Variants in PPARGC1A observed in about 807,000 individuals in gnomAD.
PPARGC1A encodes PPARG coactivator 1 alpha.
Under a neutral mutation model 88.7 loss-of-function variants are expected in PPARGC1A, and 25 were observed. The observed-to-expected ratio is 0.28, with a 90% CI of 0.21 to 0.39. PPARGC1A has a LOEUF of 0.39. Ranked by LOEUF, PPARGC1A falls within the 10% of genes least tolerant of loss-of-function variation. PPARGC1A has a pLI of 1.00. For missense variants in PPARGC1A, 880 were observed against 968.7 expected (o/e 0.91, Z 1.22); for synonymous variants, 363 against 355.6 (o/e 1.02, Z -0.24).
chr4:24,325,951 G>T, the PPARGC1A span, among the ~76,000 whole-genome samples: 1 of 152,050 alleles, frequency 6.6e-6, no homozygotes, highest in African/African-American at 2.4e-5. Context: ...ATCTCCACCT[G>T]CCCAGTTCCC....
chr4:24,445,060 AAG>A, the PPARGC1A span, among the ~76,000 whole-genome samples: 1 of 151,000 alleles, frequency 6.6e-6, no homozygotes, highest in Non-Finnish European at 1.5e-5. Context: ...CTCAAAAAAA[AAG>A]AGAGAGAGAG....
chr4:24,089,860 C>G, the PPARGC1A span, among the ~76,000 whole-genome samples: 1 of 152,142 alleles, frequency 6.6e-6, no homozygotes, highest in Non-Finnish European at 1.5e-5. Context: ...AGGGGGAGCT[C>G]CAGCTATCAC....
intron 7 of PPARGC1A, among the ~76,000 whole-genome samples, chr4:23,817,493 C>A (rs998203133): frequency 6.6e-6 from 1 of 152,204 alleles, no homozygotes; most frequent in South Asian, 2.1e-4. Flanking sequence ...AATAGAAAAG[C>A]GCTTCTTTAA....
chr4:24,398,921 G>A, the PPARGC1A span, among the ~76,000 whole-genome samples: 11 of 152,158 alleles, frequency 7.2e-5, 1 homozygote, highest in South Asian at 1.2e-3. Flanking sequence ...ATATTAGGAA[G>A]AAGATATTTT....
chr4:24,394,098 C>G, the PPARGC1A span, among the ~76,000 whole-genome samples: 15 of 152,258 alleles, frequency 9.9e-5, no homozygotes, highest in East Asian at 2.5e-3. Flanking sequence ...TTGTCTGAGC[C>G]TGCTTTCTCT....
At chr4:24,466,910 A>AGGAAGGAAG in the PPARGC1A span, among the ~76,000 whole-genome samples, 1 of 141,376 alleles carries the variant, frequency 7.1e-6, no homozygotes, top group African/African-American at 2.6e-5. Flanking sequence ...AGAGGAAGGA[A>AGGAAGGAAG]GGAAGGAAGG....
At chr4:24,030,332 G>A in the PPARGC1A span, among the ~76,000 whole-genome samples, 1 of 152,124 alleles carries the variant, frequency 6.6e-6, no homozygotes, top group Non-Finnish European at 1.5e-5. Flanking sequence ...AAATGCAGTT[G>A]CCACCAGAAA....
At chr4:24,087,854 C>A in the PPARGC1A span, among the ~76,000 whole-genome samples, 3 of 152,092 alleles carry the variant, frequency 2.0e-5, no homozygotes, top group Non-Finnish European at 2.9e-5. Flanking sequence ...ATTTCCAACT[C>A]CATAAGTAAA....
chr4:23,913,407 T>G, the PPARGC1A span, among the ~76,000 whole-genome samples: 1 of 151,448 alleles, frequency 6.6e-6, no homozygotes, highest in African/African-American at 2.4e-5. Flanking sequence ...TTTAAAAACT[T>G]TAACTCTTAA....
intron 4 of PPARGC1A, 65 bp downstream of exon 4, chr4:23,829,398 T>C: frequency 6.4e-7 from 1 of 1,551,766 alleles, no homozygotes; most frequent in Non-Finnish European, 8.9e-7. Flanking sequence ...AACTTATTTG[T>C]TTTACTGCTT....
At chr4:24,222,025 T>TG in the PPARGC1A span, among the ~76,000 whole-genome samples, 4,349 of 152,090 alleles carry the variant, frequency 0.029, 97 homozygotes, top group Non-Finnish European at 0.045. Context: ...GATAACACAC[T>TG]GGGGGGAAGG....
At chr4:24,073,993 A>G in the PPARGC1A span, among the ~76,000 whole-genome samples, 5 of 152,138 alleles carry the variant, frequency 3.3e-5, no homozygotes, top group Non-Finnish European at 5.9e-5. Context: ...AACAGCGCCC[A>G]GTGTTCCTCC....
chr4:24,157,839 T>A, the PPARGC1A span, among the ~76,000 whole-genome samples: 1 of 151,464 alleles, frequency 6.6e-6, no homozygotes, highest in Non-Finnish European at 1.5e-5. Flanking sequence ...ATTGCCCTCA[T>A]CCCCCACCCC....
chr4:24,110,807 G>C, the PPARGC1A span, among the ~76,000 whole-genome samples: 1 of 152,080 alleles, frequency 6.6e-6, no homozygotes, highest in African/African-American at 2.4e-5. Flanking sequence ...GATATACGTT[G>C]TATCTATCTT....
the PPARGC1A span, among the ~76,000 whole-genome samples, chr4:24,327,326 A>G: frequency 6.6e-6 from 1 of 152,122 alleles, no homozygotes; most frequent in Non-Finnish European, 1.5e-5. Context: ...AACTACTCAT[A>G]TATGCCCTGC....
chr4:24,224,843 G>C, the PPARGC1A span, among the ~76,000 whole-genome samples: 1 of 152,188 alleles, frequency 6.6e-6, no homozygotes, highest in Non-Finnish European at 1.5e-5. Context: ...TGCGTGCTCA[G>C]GAGAGACCTC....
In PPARGC1A at chr4:23,813,381, G is replaced by A. The variant is rs1472599351; in HGVS notation, c.1794-256C>T. ...TCTGGTACACTGTCAGCTTTATCTT[G>A]CATGGATCTCCACTATCCTGGCACA... On this transcript the variant is annotated intron_variant, in intron 8 of 12. Coordinates refer to ENST00000264867, the MANE Select transcript of PPARGC1A (RefSeq NM_013261.5). Among the ~76,000 whole-genome samples the A allele has an allele frequency of 2.6e-5, 4 of 152,150 alleles. No homozygotes were observed. The East Asian group carries it at 7.7e-4, about 29-fold the overall frequency.
At chr4:24,432,356 A>G in the PPARGC1A span, among the ~76,000 whole-genome samples, 1 of 152,136 alleles carries the variant, frequency 6.6e-6, no homozygotes, top group Non-Finnish European at 1.5e-5. Context: ...TTTCTGCACA[A>G]CCTGCACAGG....
In PPARGC1A at chr4:23,828,727, G is replaced by A. The variant is rs1449738113; in HGVS notation, c.553-123C>T. 5 of 802,428 alleles carry A rather than the reference G, an allele frequency of 6.2e-6. No individual in the cohort carries two copies. The East Asian group carries it at 1.0e-4, about 16-fold the overall frequency. The allele number at this position is 802,428 out of a possible 1,614,324, so 49.7% of individuals were successfully genotyped here. A position where few individuals can be genotyped will look rare whatever the true frequency, so the allele number is the denominator to read the frequency against. On this transcript the variant is annotated intron_variant, in intron 4 of 12. Transcript: ENST00000264867. ...TTCAGTCTAAGTGTACTAGATCTATGAGCTGTGAATAACTGTTTGCAGAAC... is the reference window on the plus strand; with the variant it reads ...TTCAGTCTAAGTGTACTAGATCTATAAGCTGTGAATAACTGTTTGCAGAAC...
Sources: gnomAD v4.1 joint callset for allele counts (sites outside exome capture counted in the v4.1 genomes callset) on GRCh38, gnomAD v4.1.1 for gene constraint, MANE v1.5 for transcripts, NCBI Gene and HGNC (gene_info 2026-07-23, HGNC 2026-07-21) for gene names.